Variants in ANTXR1 observed in about 807,000 individuals in gnomAD.
ANTXR1 encodes ANTXR cell adhesion molecule 1.
In ANTXR1, 19 loss-of-function variants were observed where a neutral mutation model predicts 78.1. The ratio of observed to expected loss-of-function variants is 0.24; its 90% CI spans 0.17 to 0.36. The LOEUF (loss-of-function observed/expected upper bound fraction) is 0.36, where lower values mean the gene tolerates loss of function less well. ANTXR1 is among the 10% of genes least tolerant of loss of function. The probability of loss-of-function intolerance (pLI) is 1.00; values close to 1 mark genes in which losing one functional copy is unlikely to be tolerated. For synonymous variants in ANTXR1, 273 were observed against 260.5 expected (o/e 1.05, Z -0.46); for missense variants, 518 against 718.6 (o/e 0.72, Z 3.19).
At chr2:69,101,341 T>C (rs1188960022) in intron 9 of ANTXR1, among the ~76,000 whole-genome samples, 1 of 152,232 alleles carries the variant, frequency 6.6e-6, no homozygotes, top group East Asian at 1.9e-4. Flanking sequence ...CAGAAGCTAA[T>C]GGCTGAGTTC....
chr2:69,125,224 A>G (rs1442343877), intron 12 of ANTXR1, among the ~76,000 whole-genome samples: 1 of 152,186 alleles, frequency 6.6e-6, no homozygotes, highest in Non-Finnish European at 1.5e-5. Context: ...GTGAGGCAAG[A>G]GCGGGGACTG....
chr2:69,145,760 A>C (rs1558597748), intron 12 of ANTXR1: 1 of 1,021,376 alleles, frequency 9.8e-7, no homozygotes, highest in East Asian at 8.9e-5. Flanking sequence ...CACAAAAGAA[A>C]ACAGAAAGGA....
chr2:69,134,225 A>G (rs956872992), intron 12 of ANTXR1, among the ~76,000 whole-genome samples: 1 of 152,312 alleles, frequency 6.6e-6, no homozygotes, highest in Admixed American at 6.5e-5. Context: ...GAGAAATACT[A>G]CCAAATACGG....
intron 13 of ANTXR1, among the ~76,000 whole-genome samples, chr2:69,156,626 G>C (rs182416426): frequency 1.0e-3 from 156 of 152,372 alleles, no homozygotes; most frequent in African/African-American, 3.6e-3. Flanking sequence ...AGTCATGGCT[G>C]ATGGCAGAGG....
chr2:69,241,845 G>A (rs148013750), intron 17 of ANTXR1, among the ~76,000 whole-genome samples: 7 of 152,154 alleles, frequency 4.6e-5, no homozygotes, highest in Admixed American at 1.3e-4. Flanking sequence ...AACACAATGC[G>A]CCAGGCACTG....
chr2:69,096,998 C>T lies in ANTXR1; in HGVS notation c.704-5844C>T, dbSNP rs535378573. ...TGGAAACCCTTTGTAGCAACTTTGA[C>T]ATTACTTGTATTTCAGTAATTCTGC... On this transcript the variant is annotated intron_variant, in intron 9 of 17. Transcript: ENST00000303714. Among the ~76,000 whole-genome samples, 15 of 152,352 alleles carry T rather than the reference C, an allele frequency of 9.8e-5. No homozygotes were observed. The South Asian group carries it at 2.7e-3, about 27-fold the overall frequency.
At chr2:69,227,598 T>C (rs906974952) in intron 17 of ANTXR1, among the ~76,000 whole-genome samples, 8 of 152,160 alleles carry the variant, frequency 5.3e-5, no homozygotes, top group African/African-American at 1.4e-4. Context: ...AACTTTTTTT[T>C]CCCCTCTCAC....
intron 3 of ANTXR1, among the ~76,000 whole-genome samples, chr2:69,069,068 C>T (rs143849455): frequency 0.011 from 1,697 of 152,200 alleles, 34 homozygotes; most frequent in African/African-American, 0.039. Context: ...AATATTCCAC[C>T]TATGAAGCAT....
chr2:69,044,617 C>T (rs913377987), intron 2 of ANTXR1, 125 bp from the exon 3 acceptor site: 47 of 1,000,434 alleles, frequency 4.7e-5, no homozygotes, highest in Non-Finnish European at 6.5e-5. Flanking sequence ...TAGGAGGCCC[C>T]CTGTGGGTTA....
Position 69,051,464 on chromosome 2 carries a change from A to G in ANTXR1, c.296+6651A>G, listed in dbSNP as rs548940555. On this transcript the variant is annotated intron_variant, in intron 3 of 17. Transcript: ENST00000303714. The stretch of plus-strand genomic sequence containing the variant: ...TTTTGATTTAAGATGATTTAGGAAA[A>G]GTGTTTCACAATTTTCACATTTTTG... Among the ~76,000 whole-genome samples, 144 of 152,144 alleles carry G rather than the reference A, an allele frequency of 9.5e-4. 1 individual carries two copies. The highest frequency in any genetic ancestry group is 1.7e-3 in the Admixed American group (26 of 15,276).
intron 10 of ANTXR1, among the ~76,000 whole-genome samples, chr2:69,107,178 G>A (rs1362397406): frequency 6.6e-6 from 1 of 151,938 alleles, no homozygotes; most frequent in Non-Finnish European, 1.5e-5. Flanking sequence ...AAGTTTTAAG[G>A]GACAAATGAC....
At chr2:69,193,277 G>A (rs1484442578) in intron 16 of ANTXR1, 58 bp from the exon 17 acceptor site, 10 of 1,507,470 alleles carry the variant, frequency 6.6e-6, no homozygotes, top group East Asian at 2.3e-5. Context: ...GTGAGCCTAC[G>A]GCGGCTAGCC....
intron 12 of ANTXR1, among the ~76,000 whole-genome samples, chr2:69,139,506 T>C (rs1190195746): frequency 2.6e-5 from 4 of 152,210 alleles, no homozygotes; most frequent in Non-Finnish European, 5.9e-5. Flanking sequence ...CAATGGGAAA[T>C]AAGTTCTTGG....
At chr2:69,068,841 G>C (rs904291063) in intron 3 of ANTXR1, among the ~76,000 whole-genome samples, 1 of 152,242 alleles carries the variant, frequency 6.6e-6, no homozygotes, top group African/African-American at 2.4e-5. Context: ...TGGTGGCTGG[G>C]ACAGTGGTGT....
At chr2:69,166,736 C>T (rs1213132545) in intron 13 of ANTXR1, among the ~76,000 whole-genome samples, 1 of 152,216 alleles carries the variant, frequency 6.6e-6, no homozygotes, top group African/African-American at 2.4e-5. Context: ...AAAGAGCCCA[C>T]CCATAACCAG....
At chr2:69,032,411 T>A (rs1347746816) in intron 1 of ANTXR1, among the ~76,000 whole-genome samples, 1 of 152,014 alleles carries the variant, frequency 6.6e-6, no homozygotes, top group Non-Finnish European at 1.5e-5. Context: ...ATGGACCTGC[T>A]GCTTTTGTGA....
rs545087355 is a variant in ANTXR1 at position 69,244,855 on chromosome 2, G to T, written c.1435-370G>T. 5.9e-5 allele frequency among the ~76,000 whole-genome samples: 9 copies of T among 152,176 alleles called. No individual in the cohort carries two copies. The South Asian group carries it at 1.9e-3, about 32-fold the overall frequency. On this transcript the variant is annotated intron_variant, in intron 17 of 17. Transcript: ENST00000303714. ...TGTGTGGCCTTGAAAAAGTAACTCC[G>T]CTTTTCTGAACCTCTGCTTCCTCAT...
At position 69,088,828 on chromosome 2, in the gene ANTXR1, T is replaced by C. The variant is rs1363294065; in HGVS notation, c.643-2031T>C. ...CCAGGATATATCCTTGGGGTCCTTG[T>C]TCCCAAGTTAGACTGACAATGAGTG... On this transcript the variant is annotated intron_variant, in intron 8 of 17. Coordinates refer to ENST00000303714, the MANE Select transcript of ANTXR1 (RefSeq NM_032208.3). Among the ~76,000 whole-genome samples, 2 of 152,156 alleles carry C rather than the reference T, an allele frequency of 1.3e-5. 1 individual carries two copies. The highest frequency in any genetic ancestry group is 3.8e-4 in the East Asian group (2 of 5,196).
At chr2:69,169,109 G>A (rs1673906729) in intron 13 of ANTXR1, among the ~76,000 whole-genome samples, 1 of 152,248 alleles carries the variant, frequency 6.6e-6, no homozygotes, top group South Asian at 2.1e-4. Flanking sequence ...TGAGTAGGGA[G>A]AGCTGAAGAG....
Sources: allele counts gnomAD v4.1 joint callset (sites outside exome capture counted in the v4.1 genomes callset), GRCh38; gene constraint gnomAD v4.1.1; transcripts MANE v1.5; gene names NCBI Gene and HGNC (gene_info 2026-07-23, HGNC 2026-07-21).